Variants in CSPP1 observed in about 807,000 individuals in gnomAD.
The protein encoded by CSPP1 is centrosome and spindle pole associated protein 1, also known as centrosome and spindle pole-associated protein 1.
A neutral mutation model predicts 164.4 loss-of-function variants in CSPP1; 126 were observed. That is an observed-to-expected ratio of 0.77 (90% CI 0.66 to 0.89). CSPP1 has a LOEUF of 0.89. Among genes scored for constraint, CSPP1 ranks in the 40% least tolerant of loss-of-function variants. The pLI is 0.00. For missense variants in CSPP1, 1,395 were observed against 1,449.8 expected (o/e 0.96, Z 0.61); for synonymous variants, 472 against 476.7 (o/e 0.99, Z 0.13).
chr8:67,177,070 CAAAAAAAAAAAAAA>C (rs36084458), intron 26 of CSPP1, among the ~76,000 whole-genome samples: 1 of 51,864 alleles, frequency 1.9e-5, no homozygotes, highest in South Asian at 6.9e-4. Context: ...GACTTAGTCT[CAAAAAAAAAAAAAA>C]AAAAAAAAAG....
intron 24 of CSPP1, among the ~76,000 whole-genome samples, chr8:67,170,231 G>A (rs1340248925): frequency 1.3e-5 from 2 of 151,484 alleles, no homozygotes; most frequent in Non-Finnish European, 2.9e-5. Flanking sequence ...GATCACCTGA[G>A]GTCAGGAGTT....
At chr8:67,089,882 G>C (rs1811272953) in intron 4 of CSPP1, among the ~76,000 whole-genome samples, 1 of 146,584 alleles carries the variant, frequency 6.8e-6, no homozygotes, top group African/African-American at 2.5e-5. Flanking sequence ...TTGAACTCTT[G>C]GGCTCAAGTG....
chr8:67,138,639 G>A (rs896462538), intron 17 of CSPP1, among the ~76,000 whole-genome samples: 2 of 151,996 alleles, frequency 1.3e-5, no homozygotes, highest in Non-Finnish European at 2.9e-5. Context: ...ATGTTCTTTA[G>A]GTGTTATGTA....
At chr8:67,111,790 G>A (rs1816895415) in intron 9 of CSPP1, among the ~76,000 whole-genome samples, 182 bp from the exon 10 acceptor site, 2 of 151,766 alleles carry the variant, frequency 1.3e-5, no homozygotes, top group Non-Finnish European at 2.9e-5. Flanking sequence ...ACGCATAGTA[G>A]GTACCCATTA....
intron 30 of CSPP1, 57 bp from the exon 31 acceptor site, chr8:67,195,325 T>TATG (rs1228690849): frequency 1.9e-6 from 2 of 1,069,296 alleles, no homozygotes; most frequent in East Asian, 2.4e-5. Context: ...GACCTGCGCT[T>TATG]ATGTCTCCTG....
At chr8:67,188,590 A>G (rs1835326906) in intron 28 of CSPP1, among the ~76,000 whole-genome samples, 1 of 152,126 alleles carries the variant, frequency 6.6e-6, no homozygotes, top group African/African-American at 2.4e-5. Context: ...CATTCTATTA[A>G]ATCTTGGAAC....
At chr8:67,155,084 A>C (rs1254325948) in intron 19 of CSPP1, among the ~76,000 whole-genome samples, 1 of 152,238 alleles carries the variant, frequency 6.6e-6, no homozygotes, top group Non-Finnish European at 1.5e-5. Flanking sequence ...ACACTTGAAC[A>C]TCCAGTGTTT....
chr8:67,104,905 G>T (rs898213931), intron 8 of CSPP1, among the ~76,000 whole-genome samples: 5 of 141,516 alleles, frequency 3.5e-5, no homozygotes, highest in African/African-American at 5.3e-5. Flanking sequence ...CTCCCAAAAT[G>T]CTGGGATTAC....
chr8:67,116,498 G>A (rs1418765325), intron 13 of CSPP1, among the ~76,000 whole-genome samples: 1 of 151,984 alleles, frequency 6.6e-6, no homozygotes, highest in African/African-American at 2.4e-5. Context: ...TGCAGAAAAA[G>A]TTTCTAATGT....
chr8:67,177,035 C>T lies in CSPP1; in HGVS notation c.3110-645C>T, dbSNP rs576461610. Among the ~76,000 whole-genome samples, 64 of 139,302 alleles carry T rather than the reference C, an allele frequency of 4.6e-4. No individual in the cohort carries two copies. The South Asian group carries it at 0.01, about 22-fold the overall frequency. 91.4% of individuals were successfully genotyped at this position (139,302 alleles called of 152,430 possible). A position where few individuals can be genotyped will look rare whatever the true frequency, so the allele number is the denominator to read the frequency against. On this transcript the variant is annotated intron_variant, in intron 26 of 30. Transcript: ENST00000678616. ...GCAGAGAGCCAAGATCGTGCCACTGCACTCCAGCTTGGGCAACAGAGTGAG... is the reference window on the plus strand; with the variant it reads ...GCAGAGAGCCAAGATCGTGCCACTGTACTCCAGCTTGGGCAACAGAGTGAG...
chr8:67,164,054 A>C (rs1390487718), intron 23 of CSPP1, among the ~76,000 whole-genome samples: 1 of 152,138 alleles, frequency 6.6e-6, no homozygotes, highest in East Asian at 1.9e-4. Flanking sequence ...ATTTCTGTGC[A>C]TTTTTATCAT....
In CSPP1 at chr8:67,118,172, A is replaced by C. The variant is rs1010996996; in HGVS notation, c.1497-76A>C. On this transcript the variant is annotated intron_variant, in intron 13 of 30. Coordinates refer to ENST00000678616, the MANE Select transcript of CSPP1 (RefSeq NM_001382391.1). ...ATAGGATTTTCAGTACTGTTTTTGC[A>C]AAAGAGTAACATCTTGATTTTTTAA... 6 of 1,506,288 alleles carry C rather than the reference A, an allele frequency of 4.0e-6. No individual in the cohort carries two copies. The African/African-American group carries it at 6.9e-5, about 17-fold the overall frequency. 93.3% of individuals were successfully genotyped at this position (1,506,288 alleles called of 1,614,324 possible).
At chr8:67,164,211 G>C (rs1477845992) in intron 23 of CSPP1, among the ~76,000 whole-genome samples, 180 bp from the exon 24 acceptor site, 2 of 152,106 alleles carry the variant, frequency 1.3e-5, no homozygotes, top group Admixed American at 6.5e-5. Context: ...GTACTTGTGG[G>C]TCCTAATGAC....
chr8:67,124,723 C>G (rs1021733794), intron 15 of CSPP1, among the ~76,000 whole-genome samples: 1 of 151,518 alleles, frequency 6.6e-6, no homozygotes, highest in African/African-American at 2.4e-5. Context: ...ACTCTGTCAC[C>G]CAGGCTGGAG....
chr8:67,064,661 C>A (rs1390659069), intron 1 of CSPP1, 123 bp downstream of exon 1: 2 of 249,708 alleles, frequency 8.0e-6, no homozygotes, highest in South Asian at 3.8e-5. Context: ...AGGCCGGCGA[C>A]GTGCCAGAGT....
At chr8:67,137,340 A>G in intron 16 of CSPP1, 116 bp from the exon 17 acceptor site, 1 of 826,498 alleles carries the variant, frequency 1.2e-6, no homozygotes, top group Admixed American at 3.6e-5. Flanking sequence ...GGGGAAAAAA[A>G]AAAAAGCAAA....
At chr8:67,112,237 T>G (rs1817004793) in intron 10 of CSPP1, among the ~76,000 whole-genome samples, 172 bp downstream of exon 10, 1 of 150,582 alleles carries the variant, frequency 6.6e-6, no homozygotes, top group Admixed American at 6.6e-5. Flanking sequence ...TAAGAGAGTT[T>G]TTTTTTTTTT....
intron 13 of CSPP1, among the ~76,000 whole-genome samples, chr8:67,117,343 T>A (rs1186734086): frequency 6.6e-6 from 1 of 152,180 alleles, no homozygotes; most frequent in Non-Finnish European, 1.5e-5. Context: ...CTTAGTTCTT[T>A]GGAATTATTT....
intron 26 of CSPP1, 131 bp from the exon 27 acceptor site, chr8:67,177,549 A>C (rs911446211): frequency 1.6e-6 from 1 of 614,410 alleles, no homozygotes. Flanking sequence ...TATCTTTAAA[A>C]TACTCTGAAG....
Sources: gnomAD v4.1 joint callset for allele counts (sites outside exome capture counted in the v4.1 genomes callset) on GRCh38, gnomAD v4.1.1 for gene constraint, MANE v1.5 for transcripts, NCBI Gene and HGNC (gene_info 2026-07-23, HGNC 2026-07-21) for gene names.